The following MAU2 variants were observed in gnomAD, a reference collection of about 807,000 sequenced individuals.
MAU2 encodes MAU2 chromatid cohesion factor homolog.
A neutral mutation model predicts 89.1 loss-of-function variants in MAU2; 9 were observed. The ratio of observed to expected loss-of-function variants is 0.10; its 90% CI spans 0.06 to 0.18. MAU2 has a LOEUF of 0.18. MAU2 is among the 10% of genes least tolerant of loss of function. MAU2 has a pLI of 1.00. For missense variants in MAU2, 425 were observed against 803.5 expected (o/e 0.53, Z 5.69); for synonymous variants, 357 against 343.4 (o/e 1.04, Z -0.44).
chr19:19,353,732 C>T (rs971393340), intron 16 of MAU2: 2 of 158,166 alleles, frequency 1.3e-5, no homozygotes, highest in Non-Finnish European at 2.8e-5. Flanking sequence ...TCCTGTCTGC[C>T]GTCTCCAGGC....
intron 2 of MAU2, 52 bp downstream of exon 2, chr19:19,335,787 A>G (rs1404170139): frequency 1.3e-6 from 2 of 1,594,036 alleles, no homozygotes; most frequent in Middle Eastern, 1.7e-4. Flanking sequence ...CCACTTAAAT[A>G]AAAAGAATGT....
At chr19:19,332,628 G>T (rs1189821529) in intron 1 of MAU2, among the ~76,000 whole-genome samples, 1 of 152,120 alleles carries the variant, frequency 6.6e-6, no homozygotes, top group Non-Finnish European at 1.5e-5. Context: ...TGTATTTGGA[G>T]CCTTTGGGCA....
At chr19:19,336,291 C>CT (rs2061596078) in intron 3 of MAU2, 104 bp downstream of exon 3, 2 of 834,908 alleles carry the variant, frequency 2.4e-6, no homozygotes, top group Non-Finnish European at 3.9e-6. Context: ...ATCCCTCCGG[C>CT]TTTTTTTGTT....
chr19:19,355,629 A>C, intron 18 of MAU2, 79 bp from the exon 19 acceptor site: 2 of 1,352,896 alleles, frequency 1.5e-6, no homozygotes, highest in South Asian at 1.3e-5. Context: ...TGAGCAGCCC[A>C]AGGAAGGCAG....
rs376459555 is a variant in MAU2, at chr19:19,321,133, G to A, written c.274G>A (p.Ala92Thr). The change falls in exon 1 of 19, where the codon GCG becomes ACG. Residue 92 changes from alanine (A) to threonine (T), a missense_variant and splice_region_variant. Coordinates refer to ENST00000262815, the MANE Select transcript of MAU2 (RefSeq NM_015329.4). The stretch of plus-strand genomic sequence containing the variant: ...GCAGGCGCGCAGCCACCTGGAGAAG[G>A]CGGTGAGCGCGGGCCGGGCCGCGAG... Reference protein sequence around the residue: ...SEQARSHLEKAWLISQQIPQF... With the variant: ...SEQARSHLEKTWLISQQIPQF... 1 of 1,588,046 alleles carries A rather than the reference G, an allele frequency of 6.3e-7. No individual in the cohort carries two copies. The highest frequency in any genetic ancestry group is 8.6e-7 in the Non-Finnish European group (1 of 1,167,270).
At chr19:19,337,745 C>T (rs1338378310) in intron 4 of MAU2, among the ~76,000 whole-genome samples, 2 of 152,214 alleles carry the variant, frequency 1.3e-5, no homozygotes, top group Non-Finnish European at 2.9e-5. Context: ...CCACATGGGG[C>T]CCCTCACGTT....
rs2061682350 is a variant in MAU2 at position 19,345,080 on chromosome 19, A to G, written c.1155+154A>G. 6.4e-6 allele frequency: 5 copies of G among 777,566 alleles called. No homozygotes were observed. The highest frequency in any genetic ancestry group is 1.1e-5 in the Non-Finnish European group (5 of 469,286). The allele number at this position is 777,566 out of a possible 1,614,324, so 48.2% of individuals were successfully genotyped here. ...CCATAGGTAATCATATAACCTTCCC[A>G]GGCACGATCCGGAATGCTCCCAGTG... On this transcript the variant is annotated intron_variant, in intron 11 of 18. Coordinates refer to ENST00000262815, the MANE Select transcript of MAU2 (RefSeq NM_015329.4). The surrounding 1 kb of genome is among the most constrained non-coding windows in gnomAD (Gnocchi z 4.9).
chr19:19,338,725 GAC>G lies in MAU2; in HGVS notation c.457-116_457-115del. 4.4e-6 allele frequency: 3 copies of G among 677,898 alleles called. No individual in the cohort carries two copies. In the South Asian group the frequency reaches 5.8e-5, roughly 13 times the overall value. 42.0% of individuals were successfully genotyped at this position (677,898 alleles called of 1,614,324 possible). A position where few individuals can be genotyped will look rare whatever the true frequency, so the allele number is the denominator to read the frequency against. On this transcript the variant is annotated intron_variant, in intron 4 of 18. Transcript: ENST00000262815. ...AATTTGGTTAATTTAGCTCAAAACT[GAC>G]ACAGGCAGTTTCACTGACGTGGGGA...
At chr19:19,329,095 A>C (rs1355217633) in intron 1 of MAU2, 2 of 455,826 alleles carry the variant, frequency 4.4e-6, no homozygotes, top group Non-Finnish European at 8.8e-6. Context: ...CAAGTGATTA[A>C]ATGCTTCCTT....
Position 19,345,006 on chromosome 19 carries a change from C to G in MAU2, c.1155+80C>G, listed in dbSNP as rs1411019479. On this transcript the variant is annotated intron_variant, in intron 11 of 18. Transcript: ENST00000262815. This position sits in a 1 kb window ranked among gnomAD's most constrained non-coding sequence, Gnocchi z 4.9. ...AGTACCTAACCAGATCCAGAACATTCCCAGTGAAGGACCCCCTGACAGCAC... is the reference window on the plus strand; with the variant it reads ...AGTACCTAACCAGATCCAGAACATTGCCAGTGAAGGACCCCCTGACAGCAC... The G allele has an allele frequency of 1.2e-5, 16 of 1,310,190 alleles. No homozygotes were observed. Among genetic ancestry groups the G allele is most frequent in the African/African-American group, 2.9e-5 (2 of 68,790 alleles). The allele number at this position is 1,310,190 out of a possible 1,614,324, so 81.2% of individuals were successfully genotyped here.
chr19:19,330,156 A>G (rs1321011235), intron 1 of MAU2, among the ~76,000 whole-genome samples: 1 of 151,214 alleles, frequency 6.6e-6, no homozygotes, highest in African/African-American at 2.4e-5. Context: ...ATTTTTGTAT[A>G]TTTTGTAGAG....
rs751274103 is a variant in MAU2, at chr19:19,343,966, G to A, written c.1077+26G>A. ...GTAAGGCTGGAAGCAGGAGGGGCGGGAAGGCCCAGGAGTTTGTTGGGTCTC... is the reference window on the plus strand; with the variant it reads ...GTAAGGCTGGAAGCAGGAGGGGCGGAAAGGCCCAGGAGTTTGTTGGGTCTC... On this transcript the variant is annotated intron_variant, in intron 10 of 18. Coordinates refer to ENST00000262815, the MANE Select transcript of MAU2 (RefSeq NM_015329.4). 1.9e-6 allele frequency: 3 copies of A among 1,582,800 alleles called. No individual in the cohort carries two copies. The Admixed American group carries it at 5.0e-5, about 26-fold the overall frequency.
chr19:19,354,719 C>T (rs2048158014), intron 17 of MAU2: 5 of 500,076 alleles, frequency 1.0e-5, no homozygotes, highest in African/African-American at 3.8e-5. Context: ...TTAGCCGTGG[C>T]GCTCTCAGCC....
intron 1 of MAU2, among the ~76,000 whole-genome samples, chr19:19,322,480 T>A (rs529283042): frequency 2.0e-5 from 3 of 152,222 alleles, no homozygotes; most frequent in South Asian, 2.1e-4. Flanking sequence ...GGGCCTGTAG[T>A]CCCATCTACT....
At chr19:19,336,019 G>T in intron 2 of MAU2, 103 bp from the exon 3 acceptor site, 1 of 828,956 alleles carries the variant, frequency 1.2e-6, no homozygotes, top group Non-Finnish European at 2.0e-6. Context: ...AGGCAGGGAC[G>T]TGTGTGCCCT....
rs569877849 is a variant in MAU2, at chr19:19,351,067, G to A, written c.1548+1631G>A. On this transcript the variant is annotated intron_variant, in intron 16 of 18. Transcript: ENST00000262815. ...TAATTTAATTTTATTTTTTGAGGCC[G>A]AGTCTCACTCCGTCACCCAAGTTGG... Among the ~76,000 whole-genome samples the A allele has an allele frequency of 3.6e-4, 54 of 151,786 alleles. 1 individual carries two copies. Among genetic ancestry groups the A allele is most frequent in the African/African-American group, 7.7e-4 (32 of 41,384 alleles).
intron 1 of MAU2, 29 bp downstream of exon 1, chr19:19,321,164 A>G (rs1656257255): frequency 6.4e-7 from 1 of 1,553,226 alleles, no homozygotes; most frequent in African/African-American, 1.4e-5. Context: ...GCGAGGGAGG[A>G]GTCGCGGGCT....
intron 4 of MAU2, 41 bp downstream of exon 4, chr19:19,337,306 C>T: frequency 6.6e-7 from 1 of 1,520,926 alleles, no homozygotes; most frequent in Non-Finnish European, 9.1e-7. Flanking sequence ...CCGGCAGGGA[C>T]CATGACCCTG....
At chr19:19,342,959 T>G in intron 9 of MAU2, 93 bp downstream of exon 9, 1 of 1,365,530 alleles carries the variant, frequency 7.3e-7, no homozygotes. Context: ...AGTGACCCTG[T>G]GTGACCGCAG....
Sources: gnomAD v4.1 joint callset for allele counts (sites outside exome capture counted in the v4.1 genomes callset) on GRCh38, gnomAD v4.1.1 for gene constraint, Gnocchi (gnomAD v3.1) non-coding constraint, MANE v1.5 for transcripts, NCBI Gene and HGNC (gene_info 2026-07-23, HGNC 2026-07-21) for gene names.